Variants in SORCS3 observed in about 807,000 individuals in gnomAD.
SORCS3 encodes VPS10 domain-containing receptor SorCS3.
In SORCS3, 57 loss-of-function variants were observed where a neutral mutation model predicts 146.3. That is an observed-to-expected ratio of 0.39 (90% CI 0.31 to 0.49). The LOEUF (loss-of-function observed/expected upper bound fraction) is 0.49. SORCS3 is among the 20% of genes least tolerant of loss of function. SORCS3 has a pLI of 0.92. For synonymous variants in SORCS3, 653 were observed against 618.5 expected, an observed-to-expected ratio of 1.06 and a Z score of -0.83; for missense variants, 1,341 against 1,575.5, an observed-to-expected ratio of 0.85 and a Z score of 2.52.
intron 1 of SORCS3, among the ~76,000 whole-genome samples, chr10:104,687,466 T>C (rs2016058514): frequency 6.6e-6 from 1 of 152,106 alleles, no homozygotes; most frequent in Non-Finnish European, 1.5e-5. Flanking sequence ...AACCCCACAT[T>C]CAAATGCCTA....
chr10:105,056,207 G>C (rs191582161), intron 5 of SORCS3, among the ~76,000 whole-genome samples: 19 of 152,304 alleles, frequency 1.2e-4, no homozygotes, highest in African/African-American at 4.1e-4. Flanking sequence ...TAGTTAGTTA[G>C]TTGATCCGCT....
At chr10:105,243,096 G>A (rs1348935177) in intron 20 of SORCS3, among the ~76,000 whole-genome samples, 1 of 123,422 alleles carries the variant, frequency 8.1e-6, no homozygotes, top group Non-Finnish European at 1.8e-5. Flanking sequence ...TAGCCATTCT[G>A]TTGGGTGTTT....
rs1286362386 is a variant in SORCS3 at position 104,711,437 on chromosome 10, GGA to G, written c.627+69484_627+69485del. Reference sequence around the variant, plus strand: ...ATCTTTACATGAGAAAACTGAGGCTGGAAAGGTCAAGCGTCTTACTGGAGGCC... The same window carrying G: ...ATCTTTACATGAGAAAACTGAGGCTGAAGGTCAAGCGTCTTACTGGAGGCC... On this transcript the variant is annotated intron_variant, in intron 1 of 26. Coordinates refer to ENST00000369701, the MANE Select transcript of SORCS3 (RefSeq NM_014978.3). 2.6e-5 allele frequency among the ~76,000 whole-genome samples: 4 copies of G among 152,194 alleles called. No homozygotes were observed. In the East Asian group the frequency reaches 7.7e-4, roughly 29 times the overall value.
chr10:105,125,537 C>G (rs993112315), intron 7 of SORCS3, among the ~76,000 whole-genome samples: 1 of 152,126 alleles, frequency 6.6e-6, no homozygotes, highest in Admixed American at 6.6e-5. Flanking sequence ...CCTCCTTAAA[C>G]AAGAAATATT....
chr10:104,858,714 C>T (rs1166618475), intron 2 of SORCS3, among the ~76,000 whole-genome samples: 8 of 150,712 alleles, frequency 5.3e-5, no homozygotes, highest in South Asian at 2.1e-4. Context: ...CTCTGCCTCC[C>T]GGGTTCAAGC....
chr10:104,917,486 G>A (rs1482083390), intron 3 of SORCS3, among the ~76,000 whole-genome samples: 2 of 152,294 alleles, frequency 1.3e-5, no homozygotes, highest in East Asian at 1.9e-4. Flanking sequence ...CAGTTACTTT[G>A]TGGTGATAAT....
At chr10:104,918,303 G>C (rs1163267817) in intron 3 of SORCS3, among the ~76,000 whole-genome samples, 1 of 152,078 alleles carries the variant, frequency 6.6e-6, no homozygotes, top group Non-Finnish European at 1.5e-5. Flanking sequence ...TTTTACAGAT[G>C]AGAAAATTGA....
intron 19 of SORCS3, 108 bp downstream of exon 19, chr10:105,217,230 C>A: frequency 1.9e-6 from 2 of 1,037,328 alleles, no homozygotes; most frequent in Non-Finnish European, 2.9e-6. Context: ...GTGACTACTA[C>A]AATTACCCAA....
chr10:104,847,898 A>G (rs1214523524), intron 2 of SORCS3, among the ~76,000 whole-genome samples: 2 of 152,058 alleles, frequency 1.3e-5, no homozygotes, highest in East Asian at 3.9e-4. Context: ...TGATTATGAT[A>G]TATATGGAGA....
chr10:104,976,094 G>A (rs1182416469), intron 3 of SORCS3, among the ~76,000 whole-genome samples: 6 of 152,128 alleles, frequency 3.9e-5, no homozygotes, highest in African/African-American at 1.4e-4. Context: ...TCTGCACAGT[G>A]AAAGAAACTA....
intron 9 of SORCS3, among the ~76,000 whole-genome samples, 154 bp downstream of exon 9, chr10:105,147,950 T>A (rs941965972): frequency 6.6e-6 from 1 of 152,242 alleles, no homozygotes; most frequent in African/African-American, 2.4e-5. Flanking sequence ...TATGCCTCAA[T>A]TCTAGTAAAA....
At position 104,715,382 on chromosome 10, in the gene SORCS3, T is replaced by C. The variant is rs1440908974; in HGVS notation, c.627+73428T>C. ...TGTTGGAGTTTCTGGTTCTTGAGCCTTTGGACTCCAGGAGTTACACCATCA... is the reference window on the plus strand; with the variant it reads ...TGTTGGAGTTTCTGGTTCTTGAGCCCTTGGACTCCAGGAGTTACACCATCA... On this transcript the variant is annotated intron_variant, in intron 1 of 26. Coordinates refer to ENST00000369701, the MANE Select transcript of SORCS3 (RefSeq NM_014978.3). Among the ~76,000 whole-genome samples the C allele has an allele frequency of 3.3e-5, 5 of 152,212 alleles. No individual in the cohort carries two copies. In the South Asian group the frequency reaches 8.3e-4, roughly 25 times the overall value.
rs72817777 is a variant in SORCS3 at position 105,176,999 on chromosome 10, C to T, written c.1902-1067C>T. On this transcript the variant is annotated intron_variant, in intron 13 of 26. Transcript: ENST00000369701. ...TGTGTATACACACACACATACTGTG[C>T]GGAGCATTGTAAGAGAGATATATTT... 3.4e-3 allele frequency among the ~76,000 whole-genome samples: 510 copies of T among 149,792 alleles called. 6 individuals are homozygous for T. The highest frequency in any genetic ancestry group is 0.011 in the African/African-American group (467 of 40,980).
Position 105,105,359 on chromosome 10 carries a change from C to T in SORCS3, c.1094-38C>T, listed in dbSNP as rs371498679. The T allele has an allele frequency of 4.5e-5, 63 of 1,411,372 alleles. 1 individual carries two copies. Among genetic ancestry groups the T allele is most frequent in the African/African-American group, 4.4e-4 (31 of 70,558 alleles). The allele number at this position is 1,411,372 out of a possible 1,614,324, so 87.4% of individuals were successfully genotyped here. ...CTACCTGGGGCTCCCTCATGATTTT[C>T]ACTTGTATCTAAGCATCACTCTACC... On this transcript the variant is annotated intron_variant, in intron 6 of 26. Transcript: ENST00000369701.
intron 11 of SORCS3, among the ~76,000 whole-genome samples, chr10:105,159,497 G>C (rs530472703): frequency 6.6e-6 from 1 of 152,166 alleles, no homozygotes; most frequent in Admixed American, 6.5e-5. Flanking sequence ...AAAACTTAAG[G>C]TTGCATTGTT....
At chr10:105,182,246 T>TTTTTTTTTTTTTTTTTTTTTTTTTTC (rs2056447276) in intron 14 of SORCS3, among the ~76,000 whole-genome samples, 1 of 147,478 alleles carries the variant, frequency 6.8e-6, no homozygotes, top group Admixed American at 6.9e-5. Context: ...TTTTTTTTTT[T>TTTTTTTTTTTTTTTTTTTTTTTTTTC]TTTTTTTGTG....
chr10:104,831,388 C>T (rs189412024), intron 1 of SORCS3, among the ~76,000 whole-genome samples: 11 of 152,170 alleles, frequency 7.2e-5, no homozygotes, highest in Middle Eastern at 3.4e-3. Flanking sequence ...TCTGTTTTGC[C>T]CTGCTGAACC....
chr10:105,193,178 C>G (rs2056526203), intron 14 of SORCS3, among the ~76,000 whole-genome samples: 1 of 152,036 alleles, frequency 6.6e-6, no homozygotes, highest in Non-Finnish European at 1.5e-5. Context: ...ATTTAGGGTC[C>G]CAGCAAATCA....
At chr10:105,042,473 T>C (rs1413416539) in intron 4 of SORCS3, among the ~76,000 whole-genome samples, 2 of 152,136 alleles carry the variant, frequency 1.3e-5, no homozygotes, top group East Asian at 3.9e-4. Flanking sequence ...TACTCCTAGT[T>C]AGTCACTTAT....
Sources: allele counts gnomAD v4.1 joint callset (sites outside exome capture counted in the v4.1 genomes callset), GRCh38; gene constraint gnomAD v4.1.1; transcripts MANE v1.5; gene names NCBI Gene and HGNC (gene_info 2026-07-23, HGNC 2026-07-21).